Variants in NKAIN3 observed in about 807,000 individuals in gnomAD.
NKAIN3 encodes sodium/potassium-transporting ATPase subunit beta-1-interacting protein 3.
Under a neutral mutation model 30.2 loss-of-function variants are expected in NKAIN3, and 25 were observed. The ratio of observed to expected loss-of-function variants is 0.83; its 90% CI spans 0.60 to 1.16. NKAIN3 has a LOEUF of 1.16. NKAIN3 is among the 50% of genes most tolerant of loss of function. The pLI is 0.00. For synonymous variants in NKAIN3, 91 were observed against 89.6 expected (o/e 1.02, Z -0.09); for missense variants, 225 against 254.1 (o/e 0.89, Z 0.78).
chr8:62,855,032 C>A (rs4332128), intron 4 of NKAIN3: 92,383 of 152,884 alleles, frequency 0.6, 28,720 homozygotes, highest in Non-Finnish European at 0.7. Flanking sequence ...GCTGGAAATT[C>A]TTTTCTTTTT....
At chr8:62,513,857 C>CAAAAAA (rs10608416) in intron 1 of NKAIN3, among the ~76,000 whole-genome samples, 1 of 52,628 alleles carries the variant, frequency 1.9e-5, no homozygotes, top group Non-Finnish European at 3.2e-5. Flanking sequence ...AAACCTGTCT[C>CAAAAAA]AAAAAAAAAA....
chr8:62,298,691 A>G (rs1813928152), intron 1 of NKAIN3, among the ~76,000 whole-genome samples: 3 of 152,218 alleles, frequency 2.0e-5, no homozygotes, highest in Admixed American at 2.0e-4. Context: ...GGATCAGTGT[A>G]AGGTAAGGGC....
At chr8:62,289,503 C>G (rs1318800704) in intron 1 of NKAIN3, among the ~76,000 whole-genome samples, 3 of 152,098 alleles carry the variant, frequency 2.0e-5, no homozygotes, top group Non-Finnish European at 4.4e-5. Flanking sequence ...ATAGGGAATC[C>G]TTTACCCATT....
intron 1 of NKAIN3, among the ~76,000 whole-genome samples, chr8:62,443,620 C>T (rs752229665): frequency 8.6e-5 from 13 of 151,854 alleles, no homozygotes; most frequent in South Asian, 2.1e-4. Flanking sequence ...TGGCCTCAAG[C>T]GATCCACCTG....
chr8:62,734,951 G>T (rs74621504), intron 3 of NKAIN3, among the ~76,000 whole-genome samples: 3,323 of 152,250 alleles, frequency 0.022, 41 homozygotes, highest in Middle Eastern at 0.048. Flanking sequence ...TGGCTTGTGC[G>T]GTTTCTGCTT....
At chr8:62,318,661 A>G (rs1387448252) in intron 1 of NKAIN3, among the ~76,000 whole-genome samples, 5 of 152,194 alleles carry the variant, frequency 3.3e-5, no homozygotes, top group Non-Finnish European at 7.3e-5. Flanking sequence ...GTTGAACCAG[A>G]CTTGCATCCC....
At chr8:62,260,537 C>T (rs975783000) in intron 1 of NKAIN3, among the ~76,000 whole-genome samples, 3 of 152,158 alleles carry the variant, frequency 2.0e-5, no homozygotes, top group Admixed American at 6.5e-5. Flanking sequence ...GTGTGTGATG[C>T]TTCAATACTG....
chr8:62,527,405 C>T (rs1186916630), intron 1 of NKAIN3, among the ~76,000 whole-genome samples: 1 of 152,138 alleles, frequency 6.6e-6, no homozygotes, highest in Non-Finnish European at 1.5e-5. Flanking sequence ...AAACCTTCTT[C>T]CTTAGTCAGG....
At position 62,704,378 on chromosome 8, in the gene NKAIN3, A is replaced by T. The variant is rs541248997; in HGVS notation, c.274-42554A>T. 1.1e-4 allele frequency among the ~76,000 whole-genome samples: 16 copies of T among 152,254 alleles called. No homozygotes were observed. In the South Asian group the frequency reaches 3.3e-3, roughly 32 times the overall value. The stretch of plus-strand genomic sequence containing the variant: ...TTTATCTTGGCTTTCTGCAGATATG[A>T]ACAATAGTCCTTTTTTCTAGAGAAG... On this transcript the variant is annotated intron_variant, in intron 3 of 6. Transcript: ENST00000623646.
chr8:62,573,781 G>A (rs532825785), intron 1 of NKAIN3, among the ~76,000 whole-genome samples: 1 of 151,904 alleles, frequency 6.6e-6, no homozygotes, highest in East Asian at 1.9e-4. Context: ...TAGACTTATG[G>A]GGTACATGTG....
Position 62,730,973 on chromosome 8 carries a change from G to T in NKAIN3, c.274-15959G>T, listed in dbSNP as rs1407248982. 3.9e-5 allele frequency among the ~76,000 whole-genome samples: 6 copies of T among 152,182 alleles called. No homozygotes were observed. The East Asian group carries it at 7.7e-4, about 20-fold the overall frequency. On this transcript the variant is annotated intron_variant, in intron 3 of 6. Transcript: ENST00000623646. Reference sequence around the variant, plus strand: ...GATGCTCAAATTATTACAACTTTGGGCAATGATAGAGCCTTCAGAGTGGCT... The same window carrying T: ...GATGCTCAAATTATTACAACTTTGGTCAATGATAGAGCCTTCAGAGTGGCT...
chr8:62,358,704 C>CGAT (rs1226266267), intron 1 of NKAIN3, among the ~76,000 whole-genome samples: 1 of 152,056 alleles, frequency 6.6e-6, no homozygotes, highest in Non-Finnish European at 1.5e-5. Context: ...GCTTTAAGCT[C>CGAT]TAAGACCAAT....
intron 3 of NKAIN3, among the ~76,000 whole-genome samples, chr8:62,629,383 T>C (rs964030301): frequency 2.6e-5 from 4 of 152,150 alleles, no homozygotes; most frequent in Admixed American, 1.3e-4. Flanking sequence ...ATTTATTGAA[T>C]ACTTATATTT....
intron 1 of NKAIN3, among the ~76,000 whole-genome samples, chr8:62,352,403 G>T (rs1259963165): frequency 6.6e-6 from 1 of 152,160 alleles, no homozygotes; most frequent in Non-Finnish European, 1.5e-5. Flanking sequence ...CACTCATGCT[G>T]ATTCCAATAT....
Position 62,746,798 on chromosome 8 carries a change from C to G in NKAIN3, c.274-134C>G, listed in dbSNP as rs1337567150. ...TACATGCAGCCACTTGGGGCTTTGT[C>G]TTTTGTTACTTTTCACTTGAAATTG... On this transcript the variant is annotated intron_variant, in intron 3 of 6. Coordinates refer to ENST00000623646, the MANE Select transcript of NKAIN3 (RefSeq NM_001304533.3). 5.2e-5 allele frequency: 32 copies of G among 614,418 alleles called. No individual in the cohort carries two copies. The East Asian group carries it at 8.5e-4, about 16-fold the overall frequency. The allele number at this position is 614,418 out of a possible 1,614,324, so 38.1% of individuals were successfully genotyped here. A position where few individuals can be genotyped will look rare whatever the true frequency, so the allele number is the denominator to read the frequency against.
chr8:62,585,505 G>C (rs1810440801), intron 2 of NKAIN3, among the ~76,000 whole-genome samples: 1 of 152,150 alleles, frequency 6.6e-6, no homozygotes, highest in African/African-American at 2.4e-5. Flanking sequence ...TCATTTCATG[G>C]AAGACAATTT....
intron 3 of NKAIN3, among the ~76,000 whole-genome samples, chr8:62,600,477 A>G (rs1810956406): frequency 6.6e-6 from 1 of 151,884 alleles, no homozygotes; most frequent in South Asian, 2.1e-4. Flanking sequence ...TAGTATCTTT[A>G]TTTTATAAAT....
At chr8:62,734,427 G>A (rs1223209568) in intron 3 of NKAIN3, among the ~76,000 whole-genome samples, 2 of 151,920 alleles carry the variant, frequency 1.3e-5, no homozygotes, top group Non-Finnish European at 2.9e-5. Flanking sequence ...TTTTACTATG[G>A]GAAATTATTA....
At chr8:62,950,898 A>G (rs1017028449) in intron 5 of NKAIN3, among the ~76,000 whole-genome samples, 2 of 150,336 alleles carry the variant, frequency 1.3e-5, no homozygotes, top group African/African-American at 4.9e-5. Flanking sequence ...CATTTCTACC[A>G]TAGTCTTATC....
Sources: gnomAD v4.1 joint callset for allele counts (sites outside exome capture counted in the v4.1 genomes callset) on GRCh38, gnomAD v4.1.1 for gene constraint, MANE v1.5 for transcripts, NCBI Gene and HGNC (gene_info 2026-07-23, HGNC 2026-07-21) for gene names.